Variants in LEMD1 observed in about 807,000 individuals in gnomAD.
LEMD1 encodes the protein LEM domain containing 1, also known as LEM domain-containing protein 1.
A neutral mutation model predicts 17.4 loss-of-function variants in LEMD1; 18 were observed. That is an observed-to-expected ratio of 1.04 (90% CI 0.72 to 1.54). LEMD1 has a LOEUF of 1.54. Among genes scored for constraint, LEMD1 ranks in the 40% most tolerant of loss-of-function variants. The probability of loss-of-function intolerance (pLI) is 0.00; values close to 1 mark genes in which losing one functional copy is unlikely to be tolerated. For synonymous variants in LEMD1, 88 were observed against 77.8 expected, an observed-to-expected ratio of 1.13 and a Z score of -0.69; for missense variants, 195 against 210.4, an observed-to-expected ratio of 0.93 and a Z score of 0.45.
At chr1:205,446,726 A>G (rs901861072) in intron 1 of LEMD1, among the ~76,000 whole-genome samples, 5 of 152,186 alleles carry the variant, frequency 3.3e-5, no homozygotes, top group African/African-American at 1.2e-4. Context: ...CAGCTGGACA[A>G]TGAGGGAGGT....
At chr1:205,437,168 A>G (rs575654576) in intron 1 of LEMD1, 44 of 152,472 alleles carry the variant, frequency 2.9e-4, no homozygotes, top group African/African-American at 9.6e-4. Context: ...AAGGCAAGGA[A>G]TGAGGTGGGG....
At chr1:205,425,122 A>G (rs1558738848), upstream of LEMD1, among the ~76,000 whole-genome samples, 2 of 152,198 alleles carry the variant, frequency 1.3e-5, no homozygotes, top group African/African-American at 2.4e-5. Context: ...CTGCTTACAT[A>G]AGGAACCATA....
intron 4 of LEMD1, among the ~76,000 whole-genome samples, chr1:205,401,441 T>C (rs1664848100): frequency 7.1e-6 from 1 of 141,676 alleles, no homozygotes; most frequent in African/African-American, 2.7e-5. Context: ...ATTTCTCTGA[T>C]GGCCAGTGAT....
intron 4 of LEMD1, among the ~76,000 whole-genome samples, chr1:205,411,242 A>G (rs911452091): frequency 6.7e-6 from 1 of 149,078 alleles, no homozygotes; most frequent in African/African-American, 2.5e-5. Context: ...AGGGAGGGAA[A>G]GGAAGGAAGG....
chr1:205,393,426 A>C (rs1175208001), intron 4 of LEMD1, among the ~76,000 whole-genome samples: 1 of 152,026 alleles, frequency 6.6e-6, no homozygotes, highest in Non-Finnish European at 1.5e-5. Flanking sequence ...CTGTAATCCC[A>C]GCACTTTGGG....
chr1:205,449,447 G>C (rs770529363), intron 1 of LEMD1, among the ~76,000 whole-genome samples: 3 of 151,962 alleles, frequency 2.0e-5, no homozygotes, highest in Non-Finnish European at 4.4e-5. Flanking sequence ...GCCTCTGCCA[G>C]GGAGTAGCTG....
chr1:205,430,537 A>G (rs565853992), intron 1 of LEMD1, among the ~76,000 whole-genome samples: 1 of 152,350 alleles, frequency 6.6e-6, no homozygotes, highest in Admixed American at 6.5e-5. Context: ...CTGGAATGGG[A>G]TGCGTGGTTC....
intron 1 of LEMD1, among the ~76,000 whole-genome samples, chr1:205,432,173 GA>G (rs1228002475): frequency 6.6e-6 from 1 of 152,200 alleles, no homozygotes; most frequent in Non-Finnish European, 1.5e-5. Flanking sequence ...AAGAGTTAGA[GA>G]AAGGAAGAGG....
chr1:205,411,215 AAAGG>A (rs199774745), intron 4 of LEMD1, among the ~76,000 whole-genome samples: 1,965 of 147,412 alleles, frequency 0.013, 52 homozygotes, highest in African/African-American at 0.047. Context: ...AGAAAGAAAG[AAAGG>A]AAGGAAGGAG....
chr1:205,398,293 C>T lies in LEMD1; in HGVS notation c.271-13929G>A, dbSNP rs147672179. Among the ~76,000 whole-genome samples, 401 of 152,280 alleles carry T rather than the reference C, an allele frequency of 2.6e-3. 2 individuals carry two copies. The highest frequency in any genetic ancestry group is 8.9e-3 in the African/African-American group (370 of 41,546). On this transcript the variant is annotated intron_variant, in intron 4 of 5. Coordinates refer to ENST00000367153, the MANE Select transcript of LEMD1 (RefSeq NM_001199050.2). ...AAACTATCAGAGAGATGTCTAACAT[C>T]AGGTCTTCTAAAACCTGTATATACA...
At chr1:205,423,538 A>G (rs1481945638), upstream of LEMD1, among the ~76,000 whole-genome samples, 2 of 152,254 alleles carry the variant, frequency 1.3e-5, no homozygotes, top group Non-Finnish European at 2.9e-5. Flanking sequence ...AAAACAAGCT[A>G]GGTAGAGAAG....
At chr1:205,434,415 G>A (rs1012059679) in intron 1 of LEMD1, among the ~76,000 whole-genome samples, 1 of 150,994 alleles carries the variant, frequency 6.6e-6, no homozygotes, top group Non-Finnish European at 1.5e-5. Context: ...GCCCAGGCTG[G>A]TCTTAACTCC....
At chr1:205,385,735 T>C (rs1383742738) in intron 4 of LEMD1, 1 of 152,268 alleles carries the variant, frequency 6.6e-6, no homozygotes, top group African/African-American at 2.4e-5. Context: ...CAAGCCACAG[T>C]ATCTAACATT....
At chr1:205,421,650 G>A (rs912628499) in intron 1 of LEMD1, among the ~76,000 whole-genome samples, 3 of 152,152 alleles carry the variant, frequency 2.0e-5, no homozygotes, top group Non-Finnish European at 2.9e-5. Flanking sequence ...ACACATAGTA[G>A]GTACCTAGTA....
At position 205,419,292 on chromosome 1, in the gene LEMD1, G is replaced by A. The variant is rs1665846759; in HGVS notation, c.143C>T (p.Ala48Val). 2.5e-6 allele frequency: 4 copies of A among 1,614,186 alleles called. No homozygotes were observed. The highest frequency in any genetic ancestry group is 3.4e-6 in the Non-Finnish European group (4 of 1,179,986). ...TCTGGGTCCATTCATCACAGGTGGT[G>A]CACAGGGAGGTGAGACCAACAACTG... is the stretch of plus-strand genomic sequence containing the variant. ...LVQLLVSPPC[A>V]PPVMNGPREL... The change falls in exon 3 of 6, where the codon GCA (alanine) becomes GTA (valine). Residue 48 changes from alanine (A) to valine (V), a missense_variant. Physicochemically the swap from Ala to Val is moderately conservative, Grantham distance 64. Transcript: ENST00000367153.
chr1:205,412,734 T>A (rs953753166), intron 4 of LEMD1, among the ~76,000 whole-genome samples: 1 of 152,242 alleles, frequency 6.6e-6, no homozygotes, highest in African/African-American at 2.4e-5. Flanking sequence ...AAATGGCTTA[T>A]ATAAATCCTT....
chr1:205,416,268 G>A lies in LEMD1; in HGVS notation c.234C>T (p.Ile78=). 1 of 1,548,650 alleles carries A rather than the reference G, an allele frequency of 6.5e-7. No individual in the cohort carries two copies. Among genetic ancestry groups the A allele is most frequent in the Non-Finnish European group, 8.7e-7 (1 of 1,145,558 alleles). ...TCTTGCTTTTTTCTGTTGAGAGTAT[G>A]ATATTTCCTTGCAAAATGATATTAA... ...EELNIILQGN[I]ILSTEKSKKL... Residue 78 remains isoleucine (I), a synonymous_variant, in exon 4 of 6, where the codon ATC becomes ATT. Transcript: ENST00000367153.
chr1:205,421,749 A>C (rs1665968019), intron 1 of LEMD1, among the ~76,000 whole-genome samples: 1 of 152,220 alleles, frequency 6.6e-6, no homozygotes, highest in Non-Finnish European at 1.5e-5. Flanking sequence ...AGGAAGAAAA[A>C]GGACAATGCA....
At chr1:205,410,871 G>C (rs902710655) in intron 4 of LEMD1, among the ~76,000 whole-genome samples, 5 of 150,496 alleles carry the variant, frequency 3.3e-5, no homozygotes, top group African/African-American at 1.2e-4. Flanking sequence ...CGTGAGAAAG[G>C]AAAGAAAGAA....
Sources: allele counts gnomAD v4.1 joint callset (sites outside exome capture counted in the v4.1 genomes callset), GRCh38; gene constraint gnomAD v4.1.1; transcripts MANE v1.5; gene names NCBI Gene and HGNC (gene_info 2026-07-23, HGNC 2026-07-21).